The following KAZN variants were observed in gnomAD, a reference collection of about 807,000 sequenced individuals.
KAZN encodes kazrin, periplakin interacting protein.
KAZN carries 40 observed loss-of-function variants against 87.4 expected under a neutral mutation model. That is an observed-to-expected ratio of 0.46 (90% CI 0.36 to 0.60). KAZN has a LOEUF of 0.60. Among genes scored for constraint, KAZN ranks in the 20% least tolerant of loss-of-function variants. The pLI, the probability that KAZN is intolerant of heterozygous loss-of-function variation, is 0.00. For missense variants in KAZN, 898 were observed against 1,073.9 expected, an observed-to-expected ratio of 0.84 and a Z score of 2.29; for synonymous variants, 466 against 458.3, an observed-to-expected ratio of 1.02 and a Z score of -0.22.
intron 1 of KAZN, among the ~76,000 whole-genome samples, chr1:14,763,202 A>G (rs1363776465): frequency 6.6e-6 from 1 of 152,242 alleles, no homozygotes; most frequent in Non-Finnish European, 1.5e-5. Flanking sequence ...ACCATTCTGC[A>G]TGCTGAAGGC....
chr1:14,757,568 T>TA (rs1644604282), intron 1 of KAZN, among the ~76,000 whole-genome samples: 1 of 152,180 alleles, frequency 6.6e-6, no homozygotes, highest in African/African-American at 2.4e-5. Flanking sequence ...AGATACAATT[T>TA]ATGGAGAGTG....
At chr1:14,690,533 G>A (rs1641225804) in intron 1 of KAZN, among the ~76,000 whole-genome samples, 1 of 152,052 alleles carries the variant, frequency 6.6e-6, no homozygotes, top group Non-Finnish European at 1.5e-5. Flanking sequence ...GACAGCAGAG[G>A]GAAGGGTTTT....
At chr1:14,162,519 C>T (rs1557526344) in intron 1 of KAZN, among the ~76,000 whole-genome samples, 2 of 150,886 alleles carry the variant, frequency 1.3e-5, no homozygotes, top group African/African-American at 2.4e-5. Context: ...TAGCTACACT[C>T]TTGGTTTTAT....
In KAZN at chr1:14,980,248, T is replaced by C. The variant is rs144667257; in HGVS notation, c.418+19373T>C. Among the ~76,000 whole-genome samples, 1,054 of 151,994 alleles carry C rather than the reference T, an allele frequency of 6.9e-3. 41 individuals carry two copies. Among genetic ancestry groups the C allele is most frequent in the Admixed American group, 0.057 (862 of 15,248 alleles). On this transcript the variant is annotated intron_variant, in intron 2 of 14. Transcript: ENST00000376030. Reference sequence around the variant, plus strand: ...TGTAAATATTTTACTAAGCTTAGAGTGGCCGTATCATTTGTTGTTTAAACT... The same window carrying C: ...TGTAAATATTTTACTAAGCTTAGAGCGGCCGTATCATTTGTTGTTTAAACT...
In KAZN at chr1:14,234,944, A is replaced by G. The variant is rs114929682; in HGVS notation, c.249+54352A>G. On this transcript the variant is annotated intron_variant, in intron 2 of 16. Coordinates refer to the KAZN transcript ENST00000636203. ...AAGCTTCACTGCTGGTGGAATTACA[A>G]AATGATGCAGCCACTTTGGAAAATA... Among the ~76,000 whole-genome samples, 428 of 152,358 alleles carry G rather than the reference A, an allele frequency of 2.8e-3. 3 individuals carry two copies. The highest frequency in any genetic ancestry group is 9.9e-3 in the African/African-American group (413 of 41,586).
At chr1:15,030,673 A>G (rs545573161) in intron 2 of KAZN, among the ~76,000 whole-genome samples, 1 of 152,318 alleles carries the variant, frequency 6.6e-6, no homozygotes, top group African/African-American at 2.4e-5. Context: ...CCTCCCACCC[A>G]CTGCCTGAGG....
intron 1 of KAZN, among the ~76,000 whole-genome samples, chr1:14,135,721 A>G (rs946825695): frequency 5.3e-5 from 8 of 152,186 alleles, no homozygotes; most frequent in African/African-American, 1.9e-4. Flanking sequence ...CATTGGCTCC[A>G]AGCTAACTTT....
At chr1:14,865,815 T>C (rs1272114923) in intron 1 of KAZN, among the ~76,000 whole-genome samples, 1 of 152,218 alleles carries the variant, frequency 6.6e-6, no homozygotes, top group South Asian at 2.1e-4. Flanking sequence ...TCTGATGTCC[T>C]GGTAAGAAGG....
At chr1:14,432,342 T>C (rs1188172987) in intron 2 of KAZN, among the ~76,000 whole-genome samples, 5 of 152,204 alleles carry the variant, frequency 3.3e-5, no homozygotes, top group Admixed American at 3.3e-4. Flanking sequence ...CTATGAGCTC[T>C]AGAATATAAC....
intron 1 of KAZN, among the ~76,000 whole-genome samples, chr1:13,985,279 A>G (rs1013128799): frequency 6.6e-6 from 1 of 152,012 alleles, no homozygotes; most frequent in African/African-American, 2.4e-5. Context: ...ATATGTATAC[A>G]TGTGCCATGC....
intron 1 of KAZN, among the ~76,000 whole-genome samples, chr1:14,827,504 G>A (rs866541617): frequency 3.3e-5 from 5 of 152,160 alleles, no homozygotes; most frequent in African/African-American, 9.7e-5. Flanking sequence ...GAGAACATGC[G>A]ACGTTTGCTT....
chr1:14,767,805 A>C (rs537003027), intron 1 of KAZN, among the ~76,000 whole-genome samples: 2 of 152,322 alleles, frequency 1.3e-5, no homozygotes, highest in South Asian at 4.1e-4. Flanking sequence ...GACATTGAAA[A>C]GGCCTTAACA....
chr1:14,803,164 C>T (rs1244155893), intron 1 of KAZN, among the ~76,000 whole-genome samples: 2 of 138,490 alleles, frequency 1.4e-5, no homozygotes, highest in Admixed American at 1.4e-4. Flanking sequence ...CTAAAGCCTC[C>T]CTTCATCTGC....
intron 8 of KAZN, chr1:15,065,963 G>A (rs959562553): frequency 3.9e-5 from 54 of 1,385,830 alleles, no homozygotes; most frequent in Admixed American, 6.9e-5. Context: ...GTGAAAACAC[G>A]AGTGTGAACC....
At chr1:14,798,416 CTTTTTTTTTTTTT>C (rs545959773) in intron 1 of KAZN, among the ~76,000 whole-genome samples, 4 of 88,146 alleles carry the variant, frequency 4.5e-5, no homozygotes, top group African/African-American at 9.4e-5. Flanking sequence ...TGTTTCTTTC[CTTTTTTTTTTTTT>C]TTTTTTTTTT....
At chr1:14,736,465 AT>A (rs756285598) in intron 1 of KAZN, among the ~76,000 whole-genome samples, 3,316 of 107,986 alleles carry the variant, frequency 0.031, 88 homozygotes, top group African/African-American at 0.09. Context: ...CACCCAGCTA[AT>A]TTTTTTTTTT....
intron 1 of KAZN, among the ~76,000 whole-genome samples, chr1:14,763,181 A>G (rs1644791122): frequency 6.6e-6 from 1 of 152,230 alleles, no homozygotes; most frequent in Non-Finnish European, 1.5e-5. Flanking sequence ...GCCATTAGGA[A>G]TGGGAGAGGG....
chr1:13,971,968 C>G (rs191120696), intron 1 of KAZN, among the ~76,000 whole-genome samples: 2 of 152,108 alleles, frequency 1.3e-5, no homozygotes, highest in Non-Finnish European at 2.9e-5. Flanking sequence ...CCATGCTTCC[C>G]GTACAGCCTG....
chr1:13,941,065 A>G (rs1178890413), intron 1 of KAZN, among the ~76,000 whole-genome samples: 2 of 152,044 alleles, frequency 1.3e-5, no homozygotes, highest in African/African-American at 4.8e-5. Context: ...ATGGTAGCAC[A>G]TGCCTATAAT....
Sources: gnomAD v4.1 joint callset for allele counts (sites outside exome capture counted in the v4.1 genomes callset) on GRCh38, gnomAD v4.1.1 for gene constraint, MANE v1.5 for transcripts, NCBI Gene and HGNC (gene_info 2026-07-23, HGNC 2026-07-21) for gene names.